USP45: variants seen among roughly 807,000 people sequenced by gnomAD.
The protein encoded by USP45 is ubiquitin carboxyl-terminal hydrolase 45.
Under a neutral mutation model 95.8 loss-of-function variants are expected in USP45, and 89 were observed. The observed-to-expected ratio is 0.93, with a 90% CI of 0.78 to 1.11. USP45 has a LOEUF of 1.11. Among genes scored for constraint, USP45 ranks in the 50% least tolerant of loss-of-function variants. The pLI is 0.00. For synonymous variants in USP45, 281 were observed against 316.2 expected (o/e 0.89, Z 1.18); for missense variants, 898 against 942.5 (o/e 0.95, Z 0.62).
chr6:99,456,133 G>A (rs34718598), intron 13 of USP45, among the ~76,000 whole-genome samples: 16,807 of 55,474 alleles, frequency 0.3, 1,442 homozygotes, highest in Admixed American at 0.38. Context: ...ACTCTGTCTC[G>A]GAAAAAAAAA....
intron 4 of USP45, among the ~76,000 whole-genome samples, chr6:99,507,164 G>A (rs1188977811): frequency 1.3e-5 from 2 of 152,162 alleles, no homozygotes; most frequent in African/African-American, 4.8e-5. Flanking sequence ...CTGAGATCAC[G>A]CCACTGCACT....
chr6:99,463,201 T>C (rs1194368941), intron 13 of USP45, among the ~76,000 whole-genome samples: 1 of 151,992 alleles, frequency 6.6e-6, no homozygotes, highest in Non-Finnish European at 1.5e-5. Flanking sequence ...ATGGAATAAT[T>C]TTCCATTTTC....
chr6:99,508,489 T>C, intron 3 of USP45, 121 bp downstream of exon 3: 3 of 1,043,484 alleles, frequency 2.9e-6, no homozygotes, highest in Non-Finnish European at 4.0e-6. Flanking sequence ...TCCTGGAAAA[T>C]TTCTATCTAA....
intron 5 of USP45, among the ~76,000 whole-genome samples, chr6:99,500,557 G>GT (rs959362872): frequency 2.6e-5 from 4 of 151,624 alleles, no homozygotes; most frequent in African/African-American, 7.3e-5. Flanking sequence ...AATCTCTAAG[G>GT]TAAAAAAAAA....
At chr6:99,465,973 T>G (rs937865140) in intron 11 of USP45, among the ~76,000 whole-genome samples, 1 of 152,090 alleles carries the variant, frequency 6.6e-6, no homozygotes, top group Non-Finnish European at 1.5e-5. Context: ...AAAGGTGATA[T>G]AACCACCCTA....
chr6:99,438,553 A>C (rs1444915925), intron 16 of USP45, among the ~76,000 whole-genome samples: 1 of 152,240 alleles, frequency 6.6e-6, no homozygotes, highest in East Asian at 1.9e-4. Flanking sequence ...GAAAATTAAA[A>C]ATTGCACAAA....
intron 14 of USP45, among the ~76,000 whole-genome samples, chr6:99,445,200 G>A (rs1409901572): frequency 6.6e-6 from 1 of 152,004 alleles, no homozygotes; most frequent in Non-Finnish European, 1.5e-5. Flanking sequence ...GAAGTTTTAG[G>A]GAGGCCAGGC....
At chr6:99,512,353 C>G (rs1800071965) in intron 1 of USP45, among the ~76,000 whole-genome samples, 1 of 152,178 alleles carries the variant, frequency 6.6e-6, no homozygotes, top group Non-Finnish European at 1.5e-5. Context: ...CCATAGAATA[C>G]TCTTTCGACA....
At chr6:99,513,701 G>A (rs1288418441) in intron 1 of USP45, among the ~76,000 whole-genome samples, 1 of 152,198 alleles carries the variant, frequency 6.6e-6, no homozygotes, top group Non-Finnish European at 1.5e-5. Flanking sequence ...ACTTGGTAAT[G>A]TAGAGGCAAT....
At chr6:99,483,844 CA>C (rs71276584) in intron 7 of USP45, among the ~76,000 whole-genome samples, 7 of 86,560 alleles carry the variant, frequency 8.1e-5, no homozygotes, top group Middle Eastern at 7.6e-3. Context: ...GACTCCGTCT[CA>C]AAAAAAAAAA....
chr6:99,482,225 A>AT (rs2128705659), intron 8 of USP45: 1 of 152,272 alleles, frequency 6.6e-6, no homozygotes, highest in East Asian at 1.9e-4. Flanking sequence ...CAAGCTCTCA[A>AT]TTTTTTATAT....
At chr6:99,499,041 G>A (rs1224068658) in intron 5 of USP45, among the ~76,000 whole-genome samples, 3 of 151,974 alleles carry the variant, frequency 2.0e-5, no homozygotes, top group Admixed American at 1.3e-4. Flanking sequence ...CTCCCAAAGT[G>A]CTCTGATTAC....
chr6:99,464,445 T>A (rs1787376953), intron 13 of USP45, among the ~76,000 whole-genome samples, 159 bp downstream of exon 13: 1 of 152,290 alleles, frequency 6.6e-6, no homozygotes, highest in Middle Eastern at 3.4e-3. Flanking sequence ...ATGTGGGATA[T>A]ATATAGTTAG....
chr6:99,484,561 G>T (rs1352477504), intron 7 of USP45, among the ~76,000 whole-genome samples: 2 of 152,240 alleles, frequency 1.3e-5, no homozygotes, highest in African/African-American at 4.8e-5. Flanking sequence ...CACTTTGGGA[G>T]GCCAAGGTGG....
intron 17 of USP45, 91 bp from the exon 18 acceptor site, chr6:99,435,937 C>T: frequency 7.8e-7 from 1 of 1,280,998 alleles, no homozygotes; most frequent in Non-Finnish European, 1.0e-6. Context: ...ATTACAAACT[C>T]TATCTAATGC....
chr6:99,458,140 C>A (rs1377741122), intron 13 of USP45, among the ~76,000 whole-genome samples: 3 of 152,196 alleles, frequency 2.0e-5, no homozygotes, highest in Non-Finnish European at 4.4e-5. Flanking sequence ...CCTGCCTCAA[C>A]CTCCCAAGGA....
intron 13 of USP45, chr6:99,460,907 CAG>C (rs1786286949): frequency 4.1e-6 from 4 of 976,112 alleles, no homozygotes; most frequent in Middle Eastern, 1.1e-3. Flanking sequence ...AAAGTAGAAA[CAG>C]AAATAAACAA....
rs1781174734 is a variant in USP45, at chr6:99,439,780, C to T, written c.2149G>A (p.Ala717Thr). The T allele has an allele frequency of 1.9e-6, 3 of 1,595,212 alleles. No individual in the cohort carries two copies. The highest frequency in any genetic ancestry group is 2.6e-6 in the Non-Finnish European group (3 of 1,170,334). ...TTAATATACTGTACCTTACAAGTAG[C>T]AGAGCAGAATGGTGCTAAATCGAGC... ...LMLDLAPFCS[A>T]TCKNASVGDK... The change falls in exon 16 of 18, where the codon GCT (alanine) becomes ACT (threonine). Residue 717 changes from alanine to threonine, a missense_variant. Transcript: ENST00000500704.
At chr6:99,464,443 T>C (rs149461716) in intron 13 of USP45, among the ~76,000 whole-genome samples, 161 bp downstream of exon 13, 80 of 152,286 alleles carry the variant, frequency 5.3e-4, no homozygotes, top group African/African-American at 1.9e-3. Context: ...GGATGTGGGA[T>C]ATATATAGTT....
Sources: gnomAD v4.1 joint callset for allele counts (sites outside exome capture counted in the v4.1 genomes callset) on GRCh38, gnomAD v4.1.1 for gene constraint, MANE v1.5 for transcripts, NCBI Gene and HGNC (gene_info 2026-07-23, HGNC 2026-07-21) for gene names.